Variants in CCDC169 observed in about 807,000 individuals in gnomAD.
The protein encoded by CCDC169 is coiled-coil domain-containing protein 169.
A neutral mutation model predicts 36.0 loss-of-function variants in CCDC169; 30 were observed. That is an observed-to-expected ratio of 0.83 (90% CI 0.62 to 1.13). The LOEUF (loss-of-function observed/expected upper bound fraction) is 1.13. Among genes scored for constraint, CCDC169 ranks in the 50% most tolerant of loss-of-function variants. The pLI is 0.00. For missense variants in CCDC169, 245 were observed against 245.9 expected (o/e 1.00, Z 0.03); for synonymous variants, 85 against 81.5 (o/e 1.04, Z -0.23).
intron 4 of CCDC169, among the ~76,000 whole-genome samples, chr13:36,260,289 C>T (rs531619233): frequency 1.3e-5 from 2 of 152,108 alleles, no homozygotes; most frequent in Non-Finnish European, 2.9e-5. Context: ...AAAAGAGGTA[C>T]AGGCAAAGAC....
chr13:36,280,027 T>C (rs966874963), intron 4 of CCDC169: 1 of 152,132 alleles, frequency 6.6e-6, no homozygotes, highest in Non-Finnish European at 1.5e-5. Flanking sequence ...ACTAAGGATA[T>C]ACACATATAA....
intron 4 of CCDC169, among the ~76,000 whole-genome samples, chr13:36,267,476 A>G (rs1179817848): frequency 1.3e-5 from 2 of 152,202 alleles, no homozygotes; most frequent in Non-Finnish European, 1.5e-5. Flanking sequence ...ACCTTGAAAC[A>G]AAAGCCCAAT....
chr13:36,229,073 T>C (rs147745185), downstream of CCDC169, among the ~76,000 whole-genome samples: 125 of 152,294 alleles, frequency 8.2e-4, 2 homozygotes, highest in East Asian at 0.024. Flanking sequence ...TCTATATTAG[T>C]AAAAGCTAAT....
Position 36,297,597 on chromosome 13 carries a change from G to T in CCDC169, c.83+40C>A, listed in dbSNP as rs374251563. 1.1e-4 allele frequency: 166 copies of T among 1,535,982 alleles called. No homozygotes were observed. In the South Asian group the frequency reaches 1.6e-3, roughly 15 times the overall value. ...GACTCTGCAGGTGAAGGCTCGGGGG[G>T]TGTGGACGGGACCCCACACCGCGCC... On this transcript the variant is annotated intron_variant, in intron 1 of 7. Transcript: ENST00000239859.
intron 7 of CCDC169, among the ~76,000 whole-genome samples, chr13:36,232,221 C>T (rs1309102664): frequency 6.6e-6 from 1 of 152,200 alleles, no homozygotes; most frequent in African/African-American, 2.4e-5. Flanking sequence ...ACTCAGTAGC[C>T]TGGTGGACAC....
chr13:36,256,290 G>A lies in CCDC169; in HGVS notation c.316-2147C>T, dbSNP rs184767464. Reference sequence around the variant, plus strand: ...CTCATGCTGCTATGAAGAAATACCCGACACTAGGTAATTTATAAAGAAAAG... The same window carrying A: ...CTCATGCTGCTATGAAGAAATACCCAACACTAGGTAATTTATAAAGAAAAG... On this transcript the variant is annotated intron_variant, in intron 4 of 7. Transcript: ENST00000239859. Among the ~76,000 whole-genome samples the A allele has an allele frequency of 1.8e-3, 274 of 152,222 alleles. 1 individual carries two copies. The highest frequency in any genetic ancestry group is 5.9e-3 in the African/African-American group (245 of 41,532).
At chr13:36,276,308 C>T (rs1012193940) in intron 4 of CCDC169, among the ~76,000 whole-genome samples, 2 of 151,908 alleles carry the variant, frequency 1.3e-5, no homozygotes, top group South Asian at 2.1e-4. Context: ...AAATGATTTC[C>T]GTAAGTTTTG....
rs1322881819 is a variant in CCDC169, at chr13:36,297,763, T to C, written c.-44A>G. 1 of 1,534,946 alleles carries C rather than the reference T, an allele frequency of 6.5e-7. No homozygotes were observed. Among genetic ancestry groups the C allele is most frequent in the East Asian group, 2.4e-5 (1 of 40,850 alleles). The stretch of plus-strand genomic sequence containing the variant: ...TCCCGCGTCTTTCCCCTCAGCACCT[T>C]AGAGCACAAGACATTAAGGGCCACC... On this transcript the variant is annotated 5_prime_UTR_variant, in exon 1 of 8. Transcript: ENST00000239859.
chr13:36,253,267 A>C (rs979814003), intron 6 of CCDC169, among the ~76,000 whole-genome samples: 3 of 152,208 alleles, frequency 2.0e-5, no homozygotes, highest in Admixed American at 1.3e-4. Context: ...TTAGTGGTGA[A>C]ACTAAAAGGA....
intron 2 of CCDC169, among the ~76,000 whole-genome samples, chr13:36,292,636 G>C (rs1441746771): frequency 2.6e-5 from 4 of 152,214 alleles, no homozygotes; most frequent in African/African-American, 9.6e-5. Flanking sequence ...ACAATAAGCA[G>C]ATGAGAAAGT....
chr13:36,266,486 C>A (rs961992171), intron 4 of CCDC169, among the ~76,000 whole-genome samples: 2 of 152,110 alleles, frequency 1.3e-5, no homozygotes, highest in Admixed American at 6.5e-5. Flanking sequence ...CCTATCAGGG[C>A]CCTGTCCTTC....
At chr13:36,228,187 G>A (rs1001271789), downstream of CCDC169, among the ~76,000 whole-genome samples, 2 of 152,156 alleles carry the variant, frequency 1.3e-5, no homozygotes, top group African/African-American at 2.4e-5. Flanking sequence ...ATATACCGAA[G>A]AGACTTGCTG....
At chr13:36,296,836 G>A (rs1004646342) in intron 1 of CCDC169, among the ~76,000 whole-genome samples, 1 of 152,176 alleles carries the variant, frequency 6.6e-6, no homozygotes, top group Non-Finnish European at 1.5e-5. Flanking sequence ...CAGTCTTAGA[G>A]CTGAGAAAAC....
At chr13:36,226,866 G>T, downstream of CCDC169, 1 of 352,770 alleles carries the variant, frequency 2.8e-6, no homozygotes, top group Non-Finnish European at 5.1e-6. Context: ...CTGGGTGATG[G>T]GATTATTTGT....
At chr13:36,290,364 A>G (rs1878723884) in intron 2 of CCDC169, among the ~76,000 whole-genome samples, 1 of 152,234 alleles carries the variant, frequency 6.6e-6, no homozygotes, top group East Asian at 1.9e-4. Context: ...AATTGACACT[A>G]AATAATTTAA....
Position 36,231,215 on chromosome 13 carries a change from T to C in CCDC169, c.623A>G (p.His208Arg). The change falls in exon 8 of 8, where the codon CAT becomes CGT. Residue 208 changes from histidine to arginine, a missense_variant. Transcript: ENST00000239859. ...GPVKKITRPN[H>R]LPELHP Reference sequence around the variant, plus strand: ...GAATCATGGATGGAGTTCTGGAAGATGGTTTGGTCTTGTAATCTTTTTTAC... The same window carrying C: ...GAATCATGGATGGAGTTCTGGAAGACGGTTTGGTCTTGTAATCTTTTTTAC... 1 of 1,551,382 alleles carries C rather than the reference T, an allele frequency of 6.4e-7. No homozygotes were observed. Among genetic ancestry groups the C allele is most frequent in the Non-Finnish European group, 8.7e-7 (1 of 1,146,794 alleles).
chr13:36,272,069 A>T (rs1876139727), intron 4 of CCDC169, among the ~76,000 whole-genome samples: 1 of 148,900 alleles, frequency 6.7e-6, no homozygotes, highest in Admixed American at 6.7e-5. Context: ...CGGGTGACAG[A>T]GTGAGGCTCC....
intron 4 of CCDC169, among the ~76,000 whole-genome samples, chr13:36,273,417 T>G (rs1175935437): frequency 1.3e-5 from 2 of 152,164 alleles, no homozygotes; most frequent in African/African-American, 4.8e-5. Context: ...GATAGGAGCA[T>G]GTAAGAGTGA....
At chr13:36,248,578 T>C (rs1221359965) in intron 7 of CCDC169, 28 bp downstream of exon 7, 1 of 1,545,412 alleles carries the variant, frequency 6.5e-7, no homozygotes, top group African/African-American at 1.4e-5. Context: ...TGTAACGAAT[T>C]AGAAAGAAAA....
Sources: allele counts gnomAD v4.1 joint callset (sites outside exome capture counted in the v4.1 genomes callset), GRCh38; gene constraint gnomAD v4.1.1; transcripts MANE v1.5; gene names NCBI Gene and HGNC (gene_info 2026-07-23, HGNC 2026-07-21).